The following PIN4 variants were observed in gnomAD, a reference collection of about 807,000 sequenced individuals.
PIN4 encodes the protein peptidyl-prolyl cis-trans isomerase NIMA-interacting 4.
PIN4 carries 3 observed loss-of-function variants against 8.3 expected under a neutral mutation model. The observed-to-expected ratio is 0.36, with a 90% CI of 0.16 to 0.93. The LOEUF (loss-of-function observed/expected upper bound fraction) is 0.93, where lower values mean the gene tolerates loss of function less well. Ranked by LOEUF, PIN4 falls within the 40% of genes least tolerant of loss-of-function variation. The pLI is 0.44. For synonymous variants in PIN4, 18 were observed against 32.5 expected, an observed-to-expected ratio of 0.55 and a Z score of 1.52; for missense variants, 75 against 100.6, an observed-to-expected ratio of 0.75 and a Z score of 1.09.
chrX:72,205,798 G>A (rs759679045), intron 3 of PIN4: 3 of 1,211,913 alleles, frequency 2.5e-6, no homozygotes, highest in Non-Finnish European at 3.3e-6. Context: ...CACAAACCCT[G>A]CTCTGGAATT....
rs769682030 is a variant in PIN4, at chrX:72,218,178, G to A, written c.312+21274G>A. Among the ~76,000 whole-genome samples, 3 of 108,410 alleles carry A rather than the reference G, an allele frequency of 2.8e-5. No homozygotes were observed. In the East Asian group the frequency reaches 8.9e-4, roughly 32 times the overall value. The allele number at this position is 108,410 out of a possible 115,157, so 94.1% of individuals were successfully genotyped here. On this transcript the variant is annotated intron_variant, in intron 3 of 3. Coordinates refer to the PIN4 transcript ENST00000423432. The stretch of plus-strand genomic sequence containing the variant: ...CCAGCTACTCAGGAGGCTGAGGCAG[G>A]AGAATGGTGGGAACCTGGGAGGCGG...
At chrX:72,196,695 A>T in intron 2 of PIN4, 90 bp from the exon 3 acceptor site, 2 of 758,156 alleles carry the variant, frequency 2.6e-6, no homozygotes, top group Non-Finnish European at 3.7e-6. Flanking sequence ...TTTTTTTTTT[A>T]ACTGGTGGGG....
At chrX:72,210,990 G>A (rs780148508) in intron 3 of PIN4, among the ~76,000 whole-genome samples, 5 of 111,783 alleles carry the variant, frequency 4.5e-5, no homozygotes, top group African/African-American at 1.6e-4. Context: ...GGAATCAGGA[G>A]GAAAAATAAA....
intron 1 of PIN4, among the ~76,000 whole-genome samples, chrX:72,183,954 C>T (rs2042686088): frequency 9.0e-6 from 1 of 111,348 alleles, no homozygotes; most frequent in African/African-American, 3.3e-5. Context: ...TCTGGAATAT[C>T]GTAATGGAAG....
chrX:72,203,042 C>T (rs2042796689), downstream of PIN4, among the ~76,000 whole-genome samples: 1 of 111,471 alleles, frequency 9.0e-6, no homozygotes, highest in Non-Finnish European at 1.9e-5. Flanking sequence ...TCAGCCCTAA[C>T]TGCAACCTCT....
chrX:72,239,301 C>G (rs977968765), intron 3 of PIN4, among the ~76,000 whole-genome samples: 3 of 112,590 alleles, frequency 2.7e-5, no homozygotes, highest in African/African-American at 9.7e-5. Flanking sequence ...AGGAGACTGC[C>G]CGATATGATC....
At chrX:72,212,225 C>T (rs1279441919) in intron 3 of PIN4, among the ~76,000 whole-genome samples, 1 of 110,253 alleles carries the variant, frequency 9.1e-6, no homozygotes, top group African/African-American at 3.3e-5. Context: ...GAGCCAAGAT[C>T]GCACCACTAC....
chrX:72,190,698 C>T (rs2042727352), intron 2 of PIN4, among the ~76,000 whole-genome samples: 1 of 110,757 alleles, frequency 9.0e-6, no homozygotes, highest in African/African-American at 3.3e-5. Flanking sequence ...CATGCCTGTA[C>T]TCCTGGCACT....
chrX:72,232,273 T>TAAAA (rs56070381), intron 3 of PIN4, among the ~76,000 whole-genome samples: 43 of 61,392 alleles, frequency 7.0e-4, no homozygotes, highest in South Asian at 1.0e-3. Flanking sequence ...GAAGGAGTAT[T>TAAAA]AAAAAAAAAA....
At chrX:72,199,153 C>A (rs1451965187), downstream of PIN4, 10 of 111,637 alleles carry the variant, frequency 9.0e-5, no homozygotes, top group Non-Finnish European at 1.3e-4. Context: ...GCTCAAATGA[C>A]CCTTCTGCCT....
At chrX:72,236,538 C>T (rs2043018261) in intron 3 of PIN4, among the ~76,000 whole-genome samples, 1 of 111,693 alleles carries the variant, frequency 9.0e-6, no homozygotes, top group South Asian at 3.7e-4. Context: ...TCGTGATGCA[C>T]CTGCCTCGCC....
At chrX:72,194,188 T>G (rs1464741946) in intron 2 of PIN4, among the ~76,000 whole-genome samples, 2 of 110,396 alleles carry the variant, frequency 1.8e-5, no homozygotes, top group Non-Finnish European at 3.8e-5. Context: ...TCACTTGAGG[T>G]CAGGAGTTCG....
At chrX:72,219,303 C>T (rs777738128) in intron 3 of PIN4, among the ~76,000 whole-genome samples, 10 of 109,377 alleles carry the variant, frequency 9.1e-5, no homozygotes, top group Admixed American at 3.9e-4. Flanking sequence ...CCTGTAATCC[C>T]AGTACTTTGT....
intron 3 of PIN4, among the ~76,000 whole-genome samples, chrX:72,257,772 G>C (rs2043118836): frequency 9.0e-6 from 1 of 111,670 alleles, no homozygotes; most frequent in African/African-American, 3.3e-5. Context: ...GTATGACCTT[G>C]GGCAAGTTGC....
chrX:72,201,174 C>G (rs143828457), downstream of PIN4, among the ~76,000 whole-genome samples: 2,337 of 109,914 alleles, frequency 0.021, 66 homozygotes, highest in African/African-American at 0.076. Context: ...TGCACTCCAG[C>G]CTGGGTGACA....
chrX:72,239,573 C>A (rs903968089), intron 3 of PIN4, among the ~76,000 whole-genome samples: 9 of 110,894 alleles, frequency 8.1e-5, no homozygotes, highest in Non-Finnish European at 1.7e-4. Flanking sequence ...GAGTTCGAGA[C>A]CAACCTGGCT....
At chrX:72,227,943 A>G (rs915316291) in intron 3 of PIN4, among the ~76,000 whole-genome samples, 21 of 112,877 alleles carry the variant, frequency 1.9e-4, no homozygotes, top group African/African-American at 6.1e-4. Flanking sequence ...TTGCCCTGGC[A>G]TGCTTATACT....
intron 3 of PIN4, among the ~76,000 whole-genome samples, chrX:72,210,983 A>G (rs1025857312): frequency 2.7e-5 from 3 of 111,844 alleles, no homozygotes; most frequent in African/African-American, 9.8e-5. Context: ...CTACAATGGA[A>G]TCAGGAGGAA....
intron 3 of PIN4, among the ~76,000 whole-genome samples, chrX:72,239,906 C>T (rs755307365): frequency 2.0e-3 from 219 of 108,859 alleles, no homozygotes; most frequent in African/African-American, 7.1e-3. Flanking sequence ...GGTGAGACTC[C>T]CGTCTCTTTA....
Sources: allele counts gnomAD v4.1 joint callset (sites outside exome capture counted in the v4.1 genomes callset), GRCh38; gene constraint gnomAD v4.1.1; transcripts MANE v1.5; gene names NCBI Gene and HGNC (gene_info 2026-07-23, HGNC 2026-07-21).